VWA8: variants seen among roughly 807,000 people sequenced by gnomAD.
VWA8 encodes von Willebrand factor A domain containing 8, also known as von Willebrand factor A domain-containing protein 8.
In VWA8, 221 loss-of-function variants were observed where a neutral mutation model predicts 241.5. The ratio of observed to expected loss-of-function variants is 0.91; its 90% CI spans 0.82 to 1.02. The LOEUF (loss-of-function observed/expected upper bound fraction) is 1.02, where lower values mean the gene tolerates loss of function less well. Ranked by LOEUF, VWA8 falls within the 50% of genes least tolerant of loss-of-function variation. The probability of loss-of-function intolerance (pLI) is 0.00; values close to 1 mark genes in which losing one functional copy is unlikely to be tolerated. For missense variants in VWA8, 2,322 were observed against 2,328.7 expected (o/e 1.00, Z 0.06); for synonymous variants, 852 against 827.1 (o/e 1.03, Z -0.52).
intron 26 of VWA8, among the ~76,000 whole-genome samples, chr13:41,718,774 T>C (rs2045363228): frequency 6.6e-6 from 1 of 151,508 alleles, no homozygotes; most frequent in Admixed American, 6.6e-5. Flanking sequence ...TTTATATTTA[T>C]ATTTAACACA....
chr13:41,850,659 C>T (rs1210575452), intron 12 of VWA8, among the ~76,000 whole-genome samples: 3 of 152,096 alleles, frequency 2.0e-5, no homozygotes, highest in Non-Finnish European at 4.4e-5. Context: ...AATGAAAGAC[C>T]CCACCAGATG....
At chr13:41,726,192 T>G (rs1007611717) in intron 24 of VWA8, among the ~76,000 whole-genome samples, 1 of 152,198 alleles carries the variant, frequency 6.6e-6, no homozygotes. Context: ...TAGCATTCTA[T>G]TGTGTGGATA....
intron 20 of VWA8, among the ~76,000 whole-genome samples, chr13:41,777,678 T>C (rs1354729508): frequency 6.6e-6 from 1 of 152,154 alleles, no homozygotes; most frequent in Non-Finnish European, 1.5e-5. Context: ...GGGATGGAGC[T>C]ATCATAGGAA....
chr13:41,696,124 GT>G (rs1166964371), intron 29 of VWA8: 1 of 151,948 alleles, frequency 6.6e-6, no homozygotes, highest in Non-Finnish European at 1.5e-5. Flanking sequence ...TCAATACTTT[GT>G]TGAAAATCTT....
At chr13:41,692,799 C>CT in intron 30 of VWA8, 63 bp downstream of exon 30, 1 of 1,385,094 alleles carries the variant, frequency 7.2e-7, no homozygotes, top group Non-Finnish European at 1.0e-6. Flanking sequence ...ATGCATGCAT[C>CT]TTTCTGGTTA....
At chr13:41,721,314 T>C (rs535980891) in intron 25 of VWA8, 56 bp downstream of exon 25, 1 of 1,580,896 alleles carries the variant, frequency 6.3e-7, no homozygotes, top group South Asian at 1.1e-5. Flanking sequence ...CTGTACAGTC[T>C]GAAAAAATAA....
intron 43 of VWA8, among the ~76,000 whole-genome samples, chr13:41,573,415 C>CTTAT (rs879462838): frequency 0.16 from 23,978 of 146,746 alleles, 2,130 homozygotes; most frequent in Admixed American, 0.25. Context: ...AAGACTCCAT[C>CTTAT]TCAAAACAAA....
At chr13:41,867,369 C>T (rs1451527081) in intron 10 of VWA8, among the ~76,000 whole-genome samples, 1 of 152,140 alleles carries the variant, frequency 6.6e-6, no homozygotes, top group East Asian at 1.9e-4. Flanking sequence ...TGCCTCTATC[C>T]TAAACTATCA....
intron 4 of VWA8, among the ~76,000 whole-genome samples, chr13:41,896,413 T>C (rs1301757129): frequency 6.6e-6 from 1 of 151,994 alleles, no homozygotes; most frequent in Non-Finnish European, 1.5e-5. Context: ...TTGAAAATAA[T>C]CTTGAATTGG....
intron 37 of VWA8, among the ~76,000 whole-genome samples, chr13:41,628,506 A>G (rs1363332337): frequency 4.6e-5 from 7 of 152,214 alleles, no homozygotes; most frequent in African/African-American, 1.7e-4. Context: ...ACTTCCCACA[A>G]TGGCAAAGAC....
At chr13:41,886,335 G>A (rs1210409158) in intron 7 of VWA8, among the ~76,000 whole-genome samples, 1 of 151,154 alleles carries the variant, frequency 6.6e-6, no homozygotes, top group African/African-American at 2.4e-5. Flanking sequence ...GTTTTTTATG[G>A]CCCTAAAAAC....
intron 26 of VWA8, among the ~76,000 whole-genome samples, chr13:41,706,637 A>G (rs957681509): frequency 6.6e-6 from 1 of 152,224 alleles, no homozygotes; most frequent in Non-Finnish European, 1.5e-5. Context: ...GCATTGTATT[A>G]TATTTCGGTA....
chr13:41,758,436 G>GTA (rs1226625947), intron 21 of VWA8, among the ~76,000 whole-genome samples: 1 of 72,530 alleles, frequency 1.4e-5, no homozygotes, highest in Non-Finnish European at 2.8e-5. Flanking sequence ...ATATACGCTA[G>GTA]TATATATATT....
chr13:41,816,699 G>A lies in VWA8; in HGVS notation c.1946C>T (p.Thr649Met), dbSNP rs760226748. ...THKLRETQDP[T>M]AQSLAASLST... ...CCTGTGGAAAAAGCCTAGACTTACC[G>A]TTGGATCCTGTGTTTCTCTGAGTTT... is the stretch of plus-strand genomic sequence containing the variant. The change falls in exon 16 of 45, where the codon ACG becomes ATG. Residue 649 changes from threonine to methionine, a missense_variant and splice_region_variant. Coordinates refer to ENST00000379310, the MANE Select transcript of VWA8 (RefSeq NM_015058.2). 2.4e-5 allele frequency: 39 copies of A among 1,612,868 alleles called. No individual in the cohort carries two copies. The highest frequency in any genetic ancestry group is 1.6e-4 in the Middle Eastern group (1 of 6,074).
intron 26 of VWA8, among the ~76,000 whole-genome samples, chr13:41,710,721 G>A (rs553926004): frequency 3.4e-4 from 51 of 152,164 alleles, no homozygotes; most frequent in African/African-American, 1.2e-3. Context: ...ATAATAATTC[G>A]GGAAAATGAA....
At chr13:41,571,596 T>A (rs975735301) in intron 43 of VWA8, among the ~76,000 whole-genome samples, 1 of 152,184 alleles carries the variant, frequency 6.6e-6, no homozygotes, top group Non-Finnish European at 1.5e-5. Context: ...GTGATCTACC[T>A]GCCTCCGCCT....
chr13:41,950,056 C>G, intron 1 of VWA8, 43 bp from the exon 2 acceptor site: 3 of 1,256,984 alleles, frequency 2.4e-6, no homozygotes, highest in Non-Finnish European at 3.4e-6. Context: ...AAGAGACAAA[C>G]GAGAAAACCA....
intron 3 of VWA8, 61 bp downstream of exon 3, chr13:41,911,977 A>C (rs1876022534): frequency 7.1e-7 from 1 of 1,398,998 alleles, no homozygotes; most frequent in Admixed American, 2.5e-5. Flanking sequence ...TCTTAATCTT[A>C]TTTTATTTCA....
chr13:41,883,519 T>G, intron 8 of VWA8, 28 bp from the exon 9 acceptor site: 1 of 1,523,906 alleles, frequency 6.6e-7, no homozygotes, highest in Non-Finnish European at 9.1e-7. Flanking sequence ...TACATAGGAA[T>G]GAGCAAAATT....
Sources: gnomAD v4.1 joint callset for allele counts (sites outside exome capture counted in the v4.1 genomes callset) on GRCh38, gnomAD v4.1.1 for gene constraint, MANE v1.5 for transcripts, NCBI Gene and HGNC (gene_info 2026-07-23, HGNC 2026-07-21) for gene names.